The following PCDHA6 variants were observed in gnomAD, a reference collection of about 807,000 sequenced individuals.
PCDHA6 encodes the protein protocadherin alpha 6, also known as protocadherin alpha-6.
In PCDHA6, 55 loss-of-function variants were observed where a neutral mutation model predicts 60.3. The ratio of observed to expected loss-of-function variants is 0.91; its 90% confidence interval spans 0.73 to 1.14. PCDHA6 has a LOEUF of 1.14. Among genes scored for constraint, PCDHA6 ranks in the 50% most tolerant of loss-of-function variants. The pLI, the probability that PCDHA6 is intolerant of heterozygous loss-of-function variation, is 0.00. For synonymous variants in PCDHA6, 652 were observed against 557.9 expected (o/e 1.17, Z -2.38); for missense variants, 1,327 against 1,256.5 (o/e 1.06, Z -0.85).
intron 1 of PCDHA6, among the ~76,000 whole-genome samples, chr5:140,932,720 G>A (rs868927369): frequency 6.6e-5 from 10 of 151,848 alleles, no homozygotes; most frequent in Non-Finnish European, 1.5e-5. Flanking sequence ...CAATAATATT[G>A]TATAATATAG....
intron 1 of PCDHA6, among the ~76,000 whole-genome samples, chr5:140,973,451 G>A (rs1317548382): frequency 2.0e-5 from 3 of 152,172 alleles, no homozygotes; most frequent in African/African-American, 7.2e-5. Context: ...TATAATGACT[G>A]GGGCTGTTTT....
chr5:140,923,557 A>C (rs1462470621), intron 1 of PCDHA6, among the ~76,000 whole-genome samples: 1 of 152,200 alleles, frequency 6.6e-6, no homozygotes, highest in African/African-American at 2.4e-5. Context: ...AATATCAGCA[A>C]TGAAAGGTCC....
chr5:140,834,827 T>C (rs1773317793), intron 1 of PCDHA6: 1 of 1,611,982 alleles, frequency 6.2e-7, no homozygotes, highest in African/African-American at 1.3e-5. Flanking sequence ...CCAGGCCGCT[T>C]GACTCTCGGT....
intron 1 of PCDHA6, among the ~76,000 whole-genome samples, chr5:140,831,552 G>T (rs2150196212): frequency 7.2e-6 from 1 of 139,216 alleles, no homozygotes; most frequent in Non-Finnish European, 1.5e-5. Flanking sequence ...TTTAAGAGAT[G>T]GGGTTTCTCC....
intron 1 of PCDHA6, among the ~76,000 whole-genome samples, chr5:140,908,968 C>T (rs1201886997): frequency 6.6e-6 from 1 of 152,092 alleles, no homozygotes; most frequent in African/African-American, 2.4e-5. Flanking sequence ...TCTTGATAGG[C>T]CCCACTCCAC....
chr5:140,850,612 C>T (rs1411031639), intron 1 of PCDHA6: 8 of 1,598,454 alleles, frequency 5.0e-6, no homozygotes, highest in Non-Finnish European at 6.8e-6. Context: ...GCCATCTGCG[C>T]GGTGTCTAGC....
chr5:140,960,606 T>C (rs565459983), intron 1 of PCDHA6, among the ~76,000 whole-genome samples: 2 of 152,176 alleles, frequency 1.3e-5, no homozygotes, highest in African/African-American at 4.8e-5. Context: ...ACTTCAACAA[T>C]ATCTAGTGTG....
chr5:140,864,439 T>A (rs2048478325), intron 1 of PCDHA6: 1 of 152,242 alleles, frequency 6.6e-6, no homozygotes, highest in South Asian at 2.1e-4. Flanking sequence ...CAATTTTGTT[T>A]CTTCATGATC....
chr5:141,000,417 ATATATTTTTT>A (rs2097924181), intron 3 of PCDHA6, among the ~76,000 whole-genome samples: 1 of 77,748 alleles, frequency 1.3e-5, no homozygotes, highest in Non-Finnish European at 2.3e-5. Context: ...ATATATATAT[ATATATTTTTT>A]TTTTTTTTTT....
At chr5:140,941,239 C>CTTTCTTTCTTTCT in intron 1 of PCDHA6, among the ~76,000 whole-genome samples, 1 of 134,600 alleles carries the variant, frequency 7.4e-6, no homozygotes, top group South Asian at 2.4e-4. Flanking sequence ...TTCTTTCTTT[C>CTTTCTTTCTTTCT]TTTCTTTCTT....
chr5:140,928,592 T>G (rs781970359), intron 1 of PCDHA6: 1 of 1,614,178 alleles, frequency 6.2e-7, no homozygotes, highest in Non-Finnish European at 8.5e-7. Context: ...TCTGTCCCAG[T>G]GGAAATTGTG....
chr5:140,839,667 G>A (rs1375568663), intron 1 of PCDHA6, among the ~76,000 whole-genome samples: 4 of 152,038 alleles, frequency 2.6e-5, no homozygotes, highest in African/African-American at 4.8e-5. Context: ...CTACTATTTA[G>A]AGTCAACTAC....
At chr5:140,835,789 C>A (rs2150244748) in intron 1 of PCDHA6, 8 of 1,613,106 alleles carry the variant, frequency 5.0e-6, no homozygotes, top group Non-Finnish European at 5.9e-6. Context: ...GAGAACAACC[C>A]GCCGGGCTGC....
chr5:140,898,881 A>G (rs1472274164), intron 1 of PCDHA6, among the ~76,000 whole-genome samples: 1 of 152,102 alleles, frequency 6.6e-6, no homozygotes, highest in Non-Finnish European at 1.5e-5. Context: ...AGTGGTTTGT[A>G]GTTCTCCTTG....
rs782609302 is a variant in PCDHA6 at position 140,875,595 on chromosome 5, C to T, written c.2394+45110C>T. The T allele has an allele frequency of 6.2e-6, 10 of 1,613,842 alleles. No individual in the cohort carries two copies. The African/African-American group carries it at 8.0e-5, about 13-fold the overall frequency. ...ACTCCGTCTACGAGGAGGCCAAACA[C>T]GGCACCTTCGTGGGCCGCATCGCTC... On this transcript the variant is annotated intron_variant, in intron 1 of 3. Transcript: ENST00000529310.
chr5:140,989,939 C>T (rs533490284), intron 3 of PCDHA6, among the ~76,000 whole-genome samples: 2 of 152,004 alleles, frequency 1.3e-5, no homozygotes, highest in South Asian at 2.1e-4. Flanking sequence ...TGACATTCCA[C>T]GTTTTTCTCG....
rs149174279 is a variant in PCDHA6, at chr5:140,843,203, A to G, written c.2394+12718A>G. 525 of 1,595,940 alleles carry G rather than the reference A, an allele frequency of 3.3e-4. 48 individuals carry two copies. Among genetic ancestry groups the G allele is most frequent in the Non-Finnish European group, 7.1e-5 (83 of 1,165,544 alleles). ...CATCCCGTTCCGCGTGGGGCTGTAC[A>G]CGGGCGAGATCAGCACCACTCGTGT... is the stretch of plus-strand genomic sequence containing the variant. On this transcript the variant is annotated intron_variant, in intron 1 of 3. Coordinates refer to ENST00000529310, the MANE Select transcript of PCDHA6 (RefSeq NM_018909.4).
At chr5:140,850,703 G>A (rs1191486729) in intron 1 of PCDHA6, 2 of 1,598,114 alleles carry the variant, frequency 1.3e-6, no homozygotes, top group African/African-American at 2.7e-5. Flanking sequence ...CGCCTGGCAA[G>A]CCGACGCTGG....
chr5:140,928,635 A>G lies in PCDHA6; in HGVS notation c.2395-50314A>G, dbSNP rs148091714. On this transcript the variant is annotated intron_variant, in intron 1 of 3. Transcript: ENST00000529310. ...CTGCCAGGACTGGACACTTGGTCAC[A>G]AAAGTGGTAGCAGAGGATGCTGACA... is the stretch of plus-strand genomic sequence containing the variant. 6 of 1,614,104 alleles carry G rather than the reference A, an allele frequency of 3.7e-6. No individual in the cohort carries two copies. The Middle Eastern group carries it at 4.9e-4, about 133-fold the overall frequency.
Sources: allele counts gnomAD v4.1 joint callset (sites outside exome capture counted in the v4.1 genomes callset), GRCh38; gene constraint gnomAD v4.1.1; transcripts MANE v1.5; gene names NCBI Gene and HGNC (gene_info 2026-07-23, HGNC 2026-07-21).